NSUN6: variants seen among roughly 807,000 people sequenced by gnomAD.
NSUN6 encodes the protein NOP2/Sun RNA methyltransferase 6.
Under a neutral mutation model 58.0 loss-of-function variants are expected in NSUN6, and 64 were observed. The ratio of observed to expected loss-of-function variants is 1.10; its 90% CI spans 0.90 to 1.36. The LOEUF is 1.36. Among genes scored for constraint, NSUN6 ranks in the 40% most tolerant of loss-of-function variants. The probability of loss-of-function intolerance (pLI) is 0.00; values close to 1 mark genes in which losing one functional copy is unlikely to be tolerated. For missense variants in NSUN6, 701 were observed against 550.1 expected (o/e 1.27, Z -2.74); for synonymous variants, 231 against 193.9 (o/e 1.19, Z -1.59).
chr10:18,628,549 A>C lies in NSUN6; in HGVS notation c.312-12256T>G, dbSNP rs376116425. ...CTATAACTAGAATAACCAATACAGA[A>C]AAGTGCTTAAAGGAGCTGAGGGAGC... On this transcript the variant is annotated intron_variant, in intron 3 of 10. Transcript: ENST00000377304. Among the ~76,000 whole-genome samples the C allele has an allele frequency of 2.6e-5, 4 of 152,256 alleles. No individual in the cohort carries two copies. In the South Asian group the frequency reaches 6.2e-4, roughly 24 times the overall value.
intron 8 of NSUN6, among the ~76,000 whole-genome samples, chr10:18,553,041 C>T (rs757177882): frequency 6.6e-6 from 1 of 151,854 alleles, no homozygotes; most frequent in Non-Finnish European, 1.5e-5. Context: ...ATTCCCTTCT[C>T]CATTCCATTT....
intron 6 of NSUN6, among the ~76,000 whole-genome samples, chr10:18,605,907 G>C (rs1343061971): frequency 6.6e-6 from 1 of 151,924 alleles, no homozygotes; most frequent in East Asian, 1.9e-4. Flanking sequence ...TCTCCAAAAT[G>C]GAACAATTCT....
intron 8 of NSUN6, among the ~76,000 whole-genome samples, chr10:18,553,013 T>C (rs1045110782): frequency 6.6e-6 from 1 of 150,582 alleles, no homozygotes; most frequent in African/African-American, 2.4e-5. Context: ...TTCTCTAATC[T>C]ATTCTCCATT....
intron 8 of NSUN6, among the ~76,000 whole-genome samples, chr10:18,556,857 G>A (rs1456979385): frequency 1.3e-5 from 2 of 148,674 alleles, no homozygotes; most frequent in Admixed American, 6.7e-5. Context: ...TGGAATGGAG[G>A]AAGGAAGGGA....
chr10:18,595,394 C>T (rs1322837844), intron 7 of NSUN6, among the ~76,000 whole-genome samples: 1 of 152,154 alleles, frequency 6.6e-6, no homozygotes, highest in African/African-American at 2.4e-5. Flanking sequence ...GATAAATATG[C>T]CATAATTTAA....
chr10:18,600,705 A>C (rs2057770604), intron 6 of NSUN6, among the ~76,000 whole-genome samples: 1 of 151,704 alleles, frequency 6.6e-6, no homozygotes, highest in African/African-American at 2.4e-5. Context: ...AGGCAGGTGG[A>C]TCCCCTGAGG....
intron 8 of NSUN6, among the ~76,000 whole-genome samples, chr10:18,570,260 G>A (rs982328073): frequency 8.8e-5 from 12 of 136,568 alleles, no homozygotes; most frequent in East Asian, 6.9e-4. Flanking sequence ...TTCAATTCTC[G>A]ATTCCATTCC....
chr10:18,579,468 C>T (rs1466691768), intron 8 of NSUN6, among the ~76,000 whole-genome samples: 2 of 152,162 alleles, frequency 1.3e-5, no homozygotes, highest in African/African-American at 4.8e-5. Flanking sequence ...CGTCGCCCGG[C>T]CTCATATTTT....
chr10:18,632,713 C>G (rs1273380789), intron 3 of NSUN6, among the ~76,000 whole-genome samples: 1 of 152,184 alleles, frequency 6.6e-6, no homozygotes, highest in Non-Finnish European at 1.5e-5. Context: ...GAGATGCCAT[C>G]TCACACCCGT....
chr10:18,633,276 G>C lies in NSUN6; in HGVS notation c.311+9200C>G, dbSNP rs1429731620. Among the ~76,000 whole-genome samples, 3 of 147,046 alleles carry C rather than the reference G, an allele frequency of 2.0e-5. No individual in the cohort carries two copies. In the Admixed American group the frequency reaches 2.0e-4, roughly 10 times the overall value. ...TGTTGTGGGGTGGTGGGAGCGGGGAGGGGGGAGGGATAGCATTGGGAGATA... is the reference window on the plus strand; with the variant it reads ...TGTTGTGGGGTGGTGGGAGCGGGGACGGGGGAGGGATAGCATTGGGAGATA... On this transcript the variant is annotated intron_variant, in intron 3 of 10. Coordinates refer to ENST00000377304, the MANE Select transcript of NSUN6 (RefSeq NM_182543.5).
At chr10:18,558,892 T>G (rs1040130184) in intron 8 of NSUN6, among the ~76,000 whole-genome samples, 4 of 143,000 alleles carry the variant, frequency 2.8e-5, no homozygotes, top group Non-Finnish European at 6.1e-5. Context: ...CAATGGTGAA[T>G]AGAATGGAGT....
intron 3 of NSUN6, among the ~76,000 whole-genome samples, chr10:18,641,425 G>C (rs1312295040): frequency 1.3e-5 from 2 of 150,622 alleles, no homozygotes; most frequent in African/African-American, 2.4e-5. Flanking sequence ...GACTGCAGTA[G>C]CACAATCATG....
intron 3 of NSUN6, among the ~76,000 whole-genome samples, chr10:18,622,878 A>AGTTAAT (rs2058661824): frequency 6.6e-6 from 1 of 152,214 alleles, no homozygotes. Flanking sequence ...AAAAGGGAGG[A>AGTTAAT]GCATTAATTG....
At chr10:18,625,235 C>T (rs1247668590) in intron 3 of NSUN6, among the ~76,000 whole-genome samples, 1 of 152,134 alleles carries the variant, frequency 6.6e-6, no homozygotes, top group Admixed American at 6.5e-5. Flanking sequence ...GAGTCTTAGC[C>T]AATCACTAAA....
chr10:18,546,563 T>C (rs1264687034), intron 10 of NSUN6, among the ~76,000 whole-genome samples: 1 of 152,068 alleles, frequency 6.6e-6, no homozygotes, highest in Non-Finnish European at 1.5e-5. Flanking sequence ...AGGGACTCAG[T>C]AAATGGAACA....
At chr10:18,652,698 T>C, upstream of NSUN6, 1 of 476,606 alleles carries the variant, frequency 2.1e-6, no homozygotes, top group Non-Finnish European at 2.7e-6. Context: ...TAGCTAAAAT[T>C]ACAGGCATGT....
intron 3 of NSUN6, among the ~76,000 whole-genome samples, chr10:18,627,526 G>C (rs1162430107): frequency 5.3e-5 from 8 of 152,216 alleles, no homozygotes; most frequent in Admixed American, 5.2e-4. Context: ...GGGAGTGCCA[G>C]ACAGTGGGCG....
At chr10:18,601,325 T>A (rs1276535239) in intron 6 of NSUN6, among the ~76,000 whole-genome samples, 1 of 152,084 alleles carries the variant, frequency 6.6e-6, no homozygotes, top group Non-Finnish European at 1.5e-5. Context: ...AGAATTTTAG[T>A]TCAAAATGAA....
At chr10:18,581,750 C>T (rs889836125) in intron 8 of NSUN6, among the ~76,000 whole-genome samples, 2 of 150,962 alleles carry the variant, frequency 1.3e-5, no homozygotes, top group African/African-American at 2.4e-5. Flanking sequence ...CGCTTGAACC[C>T]GGGAGGCGGA....
Sources: allele counts gnomAD v4.1 joint callset (sites outside exome capture counted in the v4.1 genomes callset), GRCh38; gene constraint gnomAD v4.1.1; transcripts MANE v1.5; gene names NCBI Gene and HGNC (gene_info 2026-07-23, HGNC 2026-07-21).